The following ZNF124 variants were observed in gnomAD, a reference collection of about 807,000 sequenced individuals.
ZNF124 encodes zinc finger protein 124.
A neutral mutation model predicts 26.6 loss-of-function variants in ZNF124; 25 were observed. The observed-to-expected ratio is 0.94, with a 90% CI of 0.68 to 1.31. ZNF124 has a LOEUF of 1.31. Ranked by LOEUF, ZNF124 falls within the 40% of genes most tolerant of loss-of-function variation. The pLI is 0.00. For missense variants in ZNF124, 444 were observed against 422.2 expected (o/e 1.05, Z -0.45); for synonymous variants, 129 against 133.3 (o/e 0.97, Z 0.22).
chr1:247,146,650 GTCCACTTAGCTTCA>G (rs1288023010), intron 3 of ZNF124, among the ~76,000 whole-genome samples: 5 of 152,072 alleles, frequency 3.3e-5, no homozygotes, highest in Non-Finnish European at 7.3e-5. Context: ...ATGAAAATAT[GTCCACTTAGCTTCA>G]CTAAACCTTA....
intron 3 of ZNF124, among the ~76,000 whole-genome samples, chr1:247,137,487 C>CAAAAAAAAAAAA (rs56926662): frequency 1.9e-3 from 151 of 81,364 alleles, no homozygotes; most frequent in East Asian, 3.1e-3. Context: ...ACTAAAAATA[C>CAAAAAAAAAAAA]AAAAAAAAAA....
downstream of ZNF124, among the ~76,000 whole-genome samples, chr1:247,150,964 G>A (rs1199126741): frequency 1.3e-5 from 2 of 151,852 alleles, no homozygotes; most frequent in African/African-American, 4.8e-5. Context: ...AGATACCAAA[G>A]AAAGGAATCC....
rs1319159441 is a variant in ZNF124, at chr1:247,159,730, A to G, written c.114T>C (p.Tyr38=). ...TGAAGGTTTCCTGCATCACGTCTCT[A>G]TAGAGATTCTTCTGGGAAGGATCCA... ...ALLDPSQKNL[Y]RDVMQETFRN... is the part of the protein sequence containing the mutation. The change falls in exon 2 of 4, where the codon TAT becomes TAC. Residue 38 remains tyrosine, a synonymous_variant. Transcript: ENST00000543802. 2 of 1,613,856 alleles carry G rather than the reference A, an allele frequency of 1.2e-6. No homozygotes were observed. The highest frequency in any genetic ancestry group is 1.7e-6 in the Non-Finnish European group (2 of 1,179,948).
intron 1 of ZNF124, among the ~76,000 whole-genome samples, chr1:247,161,754 T>C (rs991999567): frequency 2.0e-5 from 3 of 149,170 alleles, no homozygotes. Context: ...TATGGCATAT[T>C]ACTATAATAA....
At chr1:247,124,615 C>T (rs1672163313) in intron 3 of ZNF124, among the ~76,000 whole-genome samples, 1 of 152,196 alleles carries the variant, frequency 6.6e-6, no homozygotes, top group Non-Finnish European at 1.5e-5. Flanking sequence ...CTCCTTTCCC[C>T]CCAGCCTATG....
At chr1:247,136,600 CA>C (rs1226093398) in intron 3 of ZNF124, among the ~76,000 whole-genome samples, 3 of 152,166 alleles carry the variant, frequency 2.0e-5, no homozygotes, top group African/African-American at 7.2e-5. Context: ...GTGCTATTCC[CA>C]TCAAACTACC....
rs547072845 is a variant in ZNF124 at position 247,161,023 on chromosome 1, A to G, written c.31-1210T>C. On this transcript the variant is annotated intron_variant, in intron 1 of 3. Transcript: ENST00000543802. ...TGTCATCTAGATGTCACCTCTTACA[A>G]ATGATATTTATGTAAAATTTCATAG... Among the ~76,000 whole-genome samples, 3 of 152,338 alleles carry G rather than the reference A, an allele frequency of 2.0e-5. No homozygotes were observed. In the South Asian group the frequency reaches 6.2e-4, roughly 32 times the overall value.
At chr1:247,158,881 A>C in intron 3 of ZNF124, 125 bp downstream of exon 3, 1 of 824,942 alleles carries the variant, frequency 1.2e-6, no homozygotes, top group Non-Finnish European at 1.9e-6. Context: ...CGCCCACCTC[A>C]GCATCCCAAA....
downstream of ZNF124, among the ~76,000 whole-genome samples, chr1:247,154,805 C>G (rs1673044034): frequency 6.6e-6 from 1 of 152,126 alleles, no homozygotes; most frequent in African/African-American, 2.4e-5. Context: ...TTGAGACCAG[C>G]CTGGGTGACA....
At chr1:247,137,487 CAAAAAAAAA>C (rs56926662) in intron 3 of ZNF124, among the ~76,000 whole-genome samples, 3 of 81,630 alleles carry the variant, frequency 3.7e-5, no homozygotes, top group Admixed American at 1.6e-4. Flanking sequence ...ACTAAAAATA[CAAAAAAAAA>C]AAAAAAAAAA....
chr1:247,168,397 A>G lies in ZNF124; in HGVS notation c.30+3451T>C, dbSNP rs935017540. Among the ~76,000 whole-genome samples, 4 of 152,094 alleles carry G rather than the reference A, an allele frequency of 2.6e-5. No individual in the cohort carries two copies. The highest frequency in any genetic ancestry group is 9.7e-5 in the African/African-American group (4 of 41,430). On this transcript the variant is annotated intron_variant, in intron 1 of 3. Transcript: ENST00000543802. The surrounding 1 kb of genome is among the most constrained non-coding windows in gnomAD (Gnocchi z 4.0). The stretch of plus-strand genomic sequence containing the variant: ...TACAAAAAAAATTTAGCTGGGCGTG[A>G]TGGTGCATGCCTGTAGTCCCAGCTA...
downstream of ZNF124, among the ~76,000 whole-genome samples, chr1:247,150,929 CAGAAAG>C (rs1479738779): frequency 3.3e-5 from 5 of 151,382 alleles, no homozygotes; most frequent in African/African-American, 1.2e-4. Context: ...TATTAAAATA[CAGAAAG>C]AGAGAGACTG....
intron 1 of ZNF124, among the ~76,000 whole-genome samples, chr1:247,170,255 C>G (rs964626801): frequency 2.7e-5 from 4 of 149,310 alleles, no homozygotes; most frequent in Admixed American, 6.9e-5. Flanking sequence ...CAGCTCCTCA[C>G]TGCTCAGTGA....
At chr1:247,153,979 A>G (rs908144911), downstream of ZNF124, among the ~76,000 whole-genome samples, 5 of 152,214 alleles carry the variant, frequency 3.3e-5, no homozygotes, top group Non-Finnish European at 7.3e-5. Flanking sequence ...AAGAGTGCAC[A>G]TAACAGCAGC....
chr1:247,130,645 G>T (rs1309708870), intron 3 of ZNF124, among the ~76,000 whole-genome samples: 2 of 152,206 alleles, frequency 1.3e-5, no homozygotes, highest in Non-Finnish European at 2.9e-5. Context: ...CTTGTTTATT[G>T]TATGAAAGGA....
chr1:247,142,728 C>T (rs1473992778), intron 3 of ZNF124, among the ~76,000 whole-genome samples: 2 of 152,050 alleles, frequency 1.3e-5, no homozygotes, highest in Non-Finnish European at 2.9e-5. Flanking sequence ...GCTTAATGAT[C>T]CTATTCTTCA....
chr1:247,141,796 T>C (rs1672635316), intron 3 of ZNF124, among the ~76,000 whole-genome samples: 1 of 152,192 alleles, frequency 6.6e-6, no homozygotes, highest in Non-Finnish European at 1.5e-5. Context: ...AGCCCATATC[T>C]CAGTCCCCAG....
Position 247,127,820 on chromosome 1 carries a change from G to C in ZNF124, c.219-3949C>G, listed in dbSNP as rs567238787. Among the ~76,000 whole-genome samples the C allele has an allele frequency of 3.3e-5, 5 of 149,852 alleles. No homozygotes were observed. The South Asian group carries it at 1.0e-3, about 31-fold the overall frequency. The stretch of plus-strand genomic sequence containing the variant: ...TTGGGGAGCTCGGTTTTTTGGAGAC[G>C]TGAGTCTTGCCAAAGCTTCCGGCAG... On this transcript the variant is annotated intron_variant, in intron 3 of 3. Coordinates refer to the ZNF124 transcript ENST00000472531.
At position 247,155,516 on chromosome 1, in the gene ZNF124, AAAG is replaced by A. The variant is rs985707270; in HGVS notation, c.*1047_*1049del. ...AAGGAAATTTATTTACCAGCTTAAA[AAAG>A]AAGAATACATATTTAACTCTTGTAC... On this transcript the variant is annotated 3_prime_UTR_variant, in exon 4 of 4. Coordinates refer to ENST00000543802, the MANE Select transcript of ZNF124 (RefSeq NM_001297568.2). 6.6e-5 allele frequency among the ~76,000 whole-genome samples: 10 copies of A among 152,332 alleles called. No individual in the cohort carries two copies. Among genetic ancestry groups the A allele is most frequent in the East Asian group, 1.9e-4 (1 of 5,188 alleles).
Sources: gnomAD v4.1 joint callset for allele counts (sites outside exome capture counted in the v4.1 genomes callset) on GRCh38, gnomAD v4.1.1 for gene constraint, Gnocchi (gnomAD v3.1) non-coding constraint, MANE v1.5 for transcripts, NCBI Gene and HGNC (gene_info 2026-07-23, HGNC 2026-07-21) for gene names.